AKAP13: variants seen among roughly 807,000 people sequenced by gnomAD.
AKAP13 encodes the protein A-kinase anchor protein 13.
In AKAP13, 80 loss-of-function variants were observed where a neutral mutation model predicts 264.5. The observed-to-expected ratio is 0.30, with a 90% CI of 0.25 to 0.36. The LOEUF (loss-of-function observed/expected upper bound fraction) is 0.36, where lower values mean the gene tolerates loss of function less well. Among genes scored for constraint, AKAP13 ranks in the 10% least tolerant of loss-of-function variants. The probability of loss-of-function intolerance (pLI) is 1.00; values close to 1 mark genes in which losing one functional copy is unlikely to be tolerated. For synonymous variants in AKAP13, 1,380 were observed against 1,250.2 expected, an observed-to-expected ratio of 1.10 and a Z score of -2.19; for missense variants, 3,712 against 3,435.2, an observed-to-expected ratio of 1.08 and a Z score of -2.01.
At chr15:85,538,576 G>A (rs1256274707) in intron 4 of AKAP13, among the ~76,000 whole-genome samples, 10 of 147,326 alleles carry the variant, frequency 6.8e-5, no homozygotes, top group African/African-American at 2.3e-4. Flanking sequence ...TGCAAGCTCC[G>A]CCTCCCAGGT....
chr15:85,714,622 C>A (rs1466472133), intron 19 of AKAP13, among the ~76,000 whole-genome samples: 1 of 152,200 alleles, frequency 6.6e-6, no homozygotes, highest in Non-Finnish European at 1.5e-5. Context: ...GTGAACGGTC[C>A]TAAAGAACGC....
chr15:85,717,856 A>AT lies in AKAP13; in HGVS notation c.5849-144dup, dbSNP rs1341383451. The AT allele has an allele frequency of 2.3e-5, 17 of 729,872 alleles. 1 individual carries two copies. In the Middle Eastern group the frequency reaches 1.2e-3, roughly 53 times the overall value. 45.2% of individuals were successfully genotyped at this position (729,872 alleles called of 1,614,324 possible). On this transcript the variant is annotated intron_variant, in intron 21 of 36. Coordinates refer to ENST00000394518, the MANE Select transcript of AKAP13 (RefSeq NM_007200.5). ...TCTGTCACTCCTGAACAGGATATTG[A>AT]TTTTTTTCTGGTACTAGAATATGAT... is the stretch of plus-strand genomic sequence containing the variant.
At chr15:85,432,580 G>A (rs914527511) in intron 1 of AKAP13, among the ~76,000 whole-genome samples, 1 of 152,046 alleles carries the variant, frequency 6.6e-6, no homozygotes, top group African/African-American at 2.4e-5. Context: ...ATATAAACCA[G>A]GAAAAACTTT....
intron 1 of AKAP13, among the ~76,000 whole-genome samples, chr15:85,395,327 T>TC (rs1402274169): frequency 6.6e-6 from 1 of 152,334 alleles, no homozygotes; most frequent in East Asian, 1.9e-4. Context: ...TCTTTTTTTC[T>TC]CCATCCCTTT....
chr15:85,599,373 T>G (rs941663677), intron 8 of AKAP13, among the ~76,000 whole-genome samples: 1 of 152,236 alleles, frequency 6.6e-6, no homozygotes, highest in Admixed American at 6.5e-5. Flanking sequence ...CTGTAGGATT[T>G]GAAAAAGAAT....
rs1457031045 is a variant in AKAP13, at chr15:85,744,497, C to G, written c.8393-131C>G. ...CCAAATTTGTTCAGAAACCCCGGTG[C>G]GCAGAAGAGTTAATTGCCCATAAGC... On this transcript the variant is annotated intron_variant, in intron 36 of 36. Coordinates refer to ENST00000394518, the MANE Select transcript of AKAP13 (RefSeq NM_007200.5). 6 of 941,398 alleles carry G rather than the reference C, an allele frequency of 6.4e-6. No individual in the cohort carries two copies. The East Asian group carries it at 1.5e-4, about 23-fold the overall frequency. 58.3% of individuals were successfully genotyped at this position (941,398 alleles called of 1,614,324 possible).
intron 13 of AKAP13, 64 bp from the exon 14 acceptor site, chr15:85,669,658 T>A (rs2083808284): frequency 1.6e-6 from 2 of 1,261,706 alleles, no homozygotes; most frequent in Admixed American, 3.4e-5. Flanking sequence ...TATAAGGTTT[T>A]ATGCTTATCT....
intron 13 of AKAP13, among the ~76,000 whole-genome samples, chr15:85,666,155 G>T (rs536324958): frequency 6.6e-6 from 1 of 152,150 alleles, no homozygotes; most frequent in South Asian, 2.1e-4. Context: ...GTGTAAAAGC[G>T]TTCCTATCTC....
At chr15:85,647,712 G>A (rs2082619430) in intron 10 of AKAP13, among the ~76,000 whole-genome samples, 2 of 152,192 alleles carry the variant, frequency 1.3e-5, no homozygotes, top group South Asian at 4.1e-4. Flanking sequence ...TTGGGAGGCT[G>A]AGGCGGGCTG....
chr15:85,560,153 AAAAAC>A (rs2078313630), intron 5 of AKAP13, among the ~76,000 whole-genome samples: 2 of 151,124 alleles, frequency 1.3e-5, no homozygotes, highest in African/African-American at 2.4e-5. Context: ...AAAAAAAAAA[AAAAAC>A]AGTAAAAATA....
chr15:85,499,145 G>A (rs2075972779), intron 2 of AKAP13, among the ~76,000 whole-genome samples: 2 of 152,082 alleles, frequency 1.3e-5, no homozygotes, highest in Non-Finnish European at 2.9e-5. Flanking sequence ...CTTTTTTAAA[G>A]GCTAGCTTCC....
rs1040333785 is a variant in AKAP13 at position 85,745,216 on chromosome 15, A to C, written c.*539A>C. 6.5e-6 allele frequency: 1 copy of C among 152,834 alleles called. No individual in the cohort carries two copies. Among genetic ancestry groups the C allele is most frequent in the Non-Finnish European group, 1.5e-5 (1 of 68,486 alleles). The allele number at this position is 152,834 out of a possible 1,614,324, so 9.5% of individuals were successfully genotyped here. A position where few individuals can be genotyped will look rare whatever the true frequency, so the allele number is the denominator to read the frequency against. On this transcript the variant is annotated 3_prime_UTR_variant, in exon 37 of 37. Coordinates refer to ENST00000394518, the MANE Select transcript of AKAP13 (RefSeq NM_007200.5). ...GCCTGGACGGACCCGGAGCCCCCGC[A>C]TATCAGCAGTTCACCCAGTACTCCT...
chr15:85,411,049 G>C (rs1160551407), intron 1 of AKAP13, among the ~76,000 whole-genome samples: 2 of 152,132 alleles, frequency 1.3e-5, no homozygotes, highest in African/African-American at 4.8e-5. Flanking sequence ...ACATTCCTGA[G>C]ACTCTTTCAG....
At chr15:85,568,113 C>T (rs1208475724) in intron 5 of AKAP13, among the ~76,000 whole-genome samples, 2 of 151,900 alleles carry the variant, frequency 1.3e-5, no homozygotes, top group Non-Finnish European at 2.9e-5. Context: ...CCAGCCTGGG[C>T]AACATGACAA....
intron 7 of AKAP13, among the ~76,000 whole-genome samples, chr15:85,584,825 T>C (rs779024728): frequency 6.6e-6 from 1 of 152,224 alleles, no homozygotes; most frequent in Non-Finnish European, 1.5e-5. Context: ...ACTAGGTTAA[T>C]AACCACAGAT....
rs1464805510 is a variant in AKAP13 at position 85,746,249 on chromosome 15, G to A, written c.*1572G>A. On this transcript the variant is annotated 3_prime_UTR_variant, in exon 37 of 37. Coordinates refer to ENST00000394518, the MANE Select transcript of AKAP13 (RefSeq NM_007200.5). ...TATTTATCTTTCAGTTTATTTGAAA[G>A]AGGTCTGGTTTAAAATTTGTAGCCT... The A allele has an allele frequency of 6.6e-6, 1 of 152,636 alleles. No homozygotes were observed. The highest frequency in any genetic ancestry group is 1.5e-5 in the Non-Finnish European group (1 of 68,040). The allele number at this position is 152,636 out of a possible 1,614,324, so 9.5% of individuals were successfully genotyped here. A position where few individuals can be genotyped will look rare whatever the true frequency, so the allele number is the denominator to read the frequency against.
chr15:85,434,869 G>GA (rs1245333840), intron 1 of AKAP13, among the ~76,000 whole-genome samples: 8 of 148,440 alleles, frequency 5.4e-5, no homozygotes, highest in Non-Finnish European at 7.5e-5. Context: ...CAAAGATGGG[G>GA]AAAAAACAGA....
chr15:85,661,303 T>G (rs948111577), intron 12 of AKAP13, among the ~76,000 whole-genome samples: 3 of 152,220 alleles, frequency 2.0e-5, no homozygotes, highest in Admixed American at 6.5e-5. Context: ...ACACCGCTAC[T>G]GGGATATTCA....
intron 1 of AKAP13, among the ~76,000 whole-genome samples, chr15:85,465,071 G>C (rs1170445578): frequency 6.6e-6 from 1 of 151,404 alleles, no homozygotes; most frequent in Non-Finnish European, 1.5e-5. Context: ...CTCCTGAGTA[G>C]CTGGGACTAC....
Sources: gnomAD v4.1 joint callset for allele counts (sites outside exome capture counted in the v4.1 genomes callset) on GRCh38, gnomAD v4.1.1 for gene constraint, MANE v1.5 for transcripts, NCBI Gene and HGNC (gene_info 2026-07-23, HGNC 2026-07-21) for gene names.